The following DPP10 variants were observed in gnomAD, a reference collection of about 807,000 sequenced individuals.
DPP10 encodes the protein inactive dipeptidyl peptidase 10.
A neutral mutation model predicts 120.9 loss-of-function variants in DPP10; 33 were observed. The ratio of observed to expected loss-of-function variants is 0.27; its 90% CI spans 0.21 to 0.37. DPP10 has a LOEUF of 0.37. Among genes scored for constraint, DPP10 ranks in the 10% least tolerant of loss-of-function variants. The pLI, the probability that DPP10 is intolerant of heterozygous loss-of-function variation, is 1.00. For synonymous variants in DPP10, 337 were observed against 326.1 expected, an observed-to-expected ratio of 1.03 and a Z score of -0.36; for missense variants, 816 against 942.8, an observed-to-expected ratio of 0.87 and a Z score of 1.76.
At chr2:115,444,905 GTGATA>G (rs1426689867) in intron 3 of DPP10, among the ~76,000 whole-genome samples, 2 of 152,164 alleles carry the variant, frequency 1.3e-5, no homozygotes, top group African/African-American at 4.8e-5. Context: ...ATAAGGGTCA[GTGATA>G]TGGTTTGGCT....
At chr2:114,515,556 G>T (rs1049780485) in intron 1 of DPP10, among the ~76,000 whole-genome samples, 1 of 152,114 alleles carries the variant, frequency 6.6e-6, no homozygotes, top group Admixed American at 6.6e-5. Context: ...ATAGAAAATA[G>T]TACAACACCC....
At chr2:115,778,319 C>G (rs1357210479) in intron 15 of DPP10, among the ~76,000 whole-genome samples, 1 of 151,984 alleles carries the variant, frequency 6.6e-6, no homozygotes, top group Non-Finnish European at 1.5e-5. Flanking sequence ...GAGATTGTTG[C>G]AGGAGGAGGC....
At chr2:115,540,484 T>C (rs2079112729) in intron 5 of DPP10, among the ~76,000 whole-genome samples, 1 of 151,892 alleles carries the variant, frequency 6.6e-6, no homozygotes, top group Non-Finnish European at 1.5e-5. Flanking sequence ...ATATGCATTT[T>C]CTGCATCTTC....
At chr2:114,819,223 A>G (rs897175049) in intron 1 of DPP10, among the ~76,000 whole-genome samples, 4 of 150,080 alleles carry the variant, frequency 2.7e-5, no homozygotes, top group African/African-American at 9.8e-5. Context: ...TTTTAGATAG[A>G]CGTTTCAAGG....
intron 21 of DPP10, among the ~76,000 whole-genome samples, chr2:115,826,297 G>A (rs1018861387): frequency 6.6e-6 from 1 of 152,144 alleles, no homozygotes; most frequent in Non-Finnish European, 1.5e-5. Context: ...GGCTATAATT[G>A]TCTGTTTGCC....
chr2:115,324,864 G>C (rs948328472), intron 2 of DPP10, among the ~76,000 whole-genome samples: 1 of 152,082 alleles, frequency 6.6e-6, no homozygotes, highest in African/African-American at 2.4e-5. Context: ...GGAATACTTA[G>C]AGGCTACTGT....
chr2:115,496,110 G>A (rs925010308), intron 3 of DPP10, among the ~76,000 whole-genome samples: 1 of 151,626 alleles, frequency 6.6e-6, no homozygotes, highest in Non-Finnish European at 1.5e-5. Flanking sequence ...TCAAAACTGG[G>A]GATTCCACTA....
At chr2:115,501,422 T>C (rs2076679122) in intron 4 of DPP10, among the ~76,000 whole-genome samples, 1 of 152,132 alleles carries the variant, frequency 6.6e-6, no homozygotes, top group African/African-American at 2.4e-5. Flanking sequence ...CTCCATGTGC[T>C]AATTATTGCT....
intron 5 of DPP10, among the ~76,000 whole-genome samples, chr2:115,553,867 A>G (rs890005938): frequency 4.0e-5 from 6 of 151,524 alleles, no homozygotes; most frequent in Admixed American, 1.3e-4. Flanking sequence ...TTATTATACT[A>G]TTCAAACAAC....
chr2:115,129,231 C>T (rs1159702622), intron 1 of DPP10, among the ~76,000 whole-genome samples: 1 of 152,182 alleles, frequency 6.6e-6, no homozygotes, highest in Non-Finnish European at 1.5e-5. Context: ...TTGATAGGAA[C>T]TTTACATCTG....
intron 1 of DPP10, among the ~76,000 whole-genome samples, chr2:114,694,314 TACATTTTA>T (rs1349861229): frequency 6.6e-6 from 1 of 151,982 alleles, no homozygotes; most frequent in Non-Finnish European, 1.5e-5. Flanking sequence ...ATTTCTCCCC[TACATTTTA>T]ACATCTCCGT....
intron 1 of DPP10, among the ~76,000 whole-genome samples, chr2:115,211,727 A>G (rs748054102): frequency 2.0e-5 from 3 of 152,222 alleles, no homozygotes; most frequent in Non-Finnish European, 4.4e-5. Context: ...ATTAGTTGAC[A>G]TGTTTTGTCC....
chr2:114,453,737 C>T (rs1404617751), intron 1 of DPP10, among the ~76,000 whole-genome samples: 2 of 152,158 alleles, frequency 1.3e-5, no homozygotes, highest in Admixed American at 6.5e-5. Context: ...CAAAGAAATA[C>T]CTTGATCTTT....
intron 7 of DPP10, among the ~76,000 whole-genome samples, chr2:115,706,617 CCAT>C (rs1261545636): frequency 6.6e-6 from 1 of 151,914 alleles, no homozygotes; most frequent in Non-Finnish European, 1.5e-5. Flanking sequence ...AGCGCTTACA[CCAT>C]ACCTATTATT....
intron 19 of DPP10, among the ~76,000 whole-genome samples, chr2:115,810,776 C>G (rs545748240): frequency 6.6e-6 from 1 of 152,134 alleles, no homozygotes; most frequent in South Asian, 2.1e-4. Context: ...CTTGAAACAC[C>G]CTTCTTACTG....
At chr2:114,536,808 C>T in intron 1 of DPP10, among the ~76,000 whole-genome samples, 1 of 152,080 alleles carries the variant, frequency 6.6e-6, no homozygotes, top group East Asian at 1.9e-4. Flanking sequence ...CTAGCATTGT[C>T]ATCTTTCTCA....
At chr2:114,912,083 A>G (rs1244548667) in intron 1 of DPP10, among the ~76,000 whole-genome samples, 2 of 152,204 alleles carry the variant, frequency 1.3e-5, no homozygotes, top group African/African-American at 2.4e-5. Flanking sequence ...TCAGAGAGAT[A>G]GTCCTCCACT....
At chr2:114,863,652 T>A (rs964982434) in intron 1 of DPP10, among the ~76,000 whole-genome samples, 8 of 152,238 alleles carry the variant, frequency 5.3e-5, no homozygotes, top group Non-Finnish European at 1.0e-4. Context: ...CTTCTTCATG[T>A]GTGATTTGAC....
At chr2:114,943,062 C>G (rs1007244079) in intron 1 of DPP10, among the ~76,000 whole-genome samples, 3 of 152,052 alleles carry the variant, frequency 2.0e-5, no homozygotes, top group Non-Finnish European at 4.4e-5. Context: ...CCTCCACCCC[C>G]CAGCAGGCCC....
Sources: gnomAD v4.1 joint callset for allele counts (sites outside exome capture counted in the v4.1 genomes callset) on GRCh38, gnomAD v4.1.1 for gene constraint, MANE v1.5 for transcripts, NCBI Gene and HGNC (gene_info 2026-07-23, HGNC 2026-07-21) for gene names.